The following FLOT2 variants were observed in gnomAD, a reference collection of about 807,000 sequenced individuals.
FLOT2 encodes the protein flotillin-2.
In FLOT2, 35 loss-of-function variants were observed where a neutral mutation model predicts 54.9. The observed-to-expected ratio is 0.64, with a 90% CI of 0.49 to 0.84. FLOT2 has a LOEUF of 0.84. Ranked by LOEUF, FLOT2 falls within the 40% of genes least tolerant of loss-of-function variation. FLOT2 has a pLI of 0.00. For missense variants in FLOT2, 464 were observed against 572.1 expected (o/e 0.81, Z 1.93); for synonymous variants, 207 against 228.9 (o/e 0.90, Z 0.86).
chr17:28,884,108 G>A lies in FLOT2; in HGVS notation c.222+117C>T. 1.3e-6 allele frequency: 1 copy of A among 794,838 alleles called. No individual in the cohort carries two copies. The highest frequency in any genetic ancestry group is 1.9e-5 in the Admixed American group (1 of 53,462). The allele number at this position is 794,838 out of a possible 1,614,324, so 49.2% of individuals were successfully genotyped here. ...TAGCCCTCTCTTGTGGGACTTGCGG[G>A]GGCTGGGGTGCTGGAGAGAGACTGC... On this transcript the variant is annotated intron_variant, in intron 3 of 10. Coordinates refer to ENST00000394908, the MANE Select transcript of FLOT2 (RefSeq NM_004475.3). This position sits in a 1 kb window ranked among gnomAD's most constrained non-coding sequence, Gnocchi z 5.1.
chr17:28,888,386 C>T (rs898044337), intron 2 of FLOT2, among the ~76,000 whole-genome samples: 1 of 152,306 alleles, frequency 6.6e-6, no homozygotes, highest in African/African-American at 2.4e-5. Flanking sequence ...GAGGTCCAGA[C>T]CTGTCTTGCT....
chr17:28,885,465 G>A lies in FLOT2; in HGVS notation c.132-1150C>T, dbSNP rs2039523623. The A allele has an allele frequency of 1.5e-5, 10 of 656,888 alleles. No individual in the cohort carries two copies. The Admixed American group carries it at 2.2e-4, about 14-fold the overall frequency. 40.7% of individuals were successfully genotyped at this position (656,888 alleles called of 1,614,324 possible). The stretch of plus-strand genomic sequence containing the variant: ...ATGCCTCAAACTGAGAAGGTGCTCA[G>A]TAGAGAGCTGGTGAATGAAGCAATG... On this transcript the variant is annotated intron_variant, in intron 2 of 10. Coordinates refer to ENST00000394908, the MANE Select transcript of FLOT2 (RefSeq NM_004475.3).
Position 28,879,429 on chromosome 17 carries a change from T to G in FLOT2, c.*1132A>C. On this transcript the variant is annotated 3_prime_UTR_variant, in exon 11 of 11. Coordinates refer to ENST00000394908, the MANE Select transcript of FLOT2 (RefSeq NM_004475.3). ...CCAGACCAGACATGCAGCATCCACA[T>G]GCAGGAAGAGCTACACAGGCTGGGG... The G allele has an allele frequency of 6.1e-6, 6 of 987,920 alleles. No homozygotes were observed. Among genetic ancestry groups the G allele is most frequent in the Non-Finnish European group, 7.2e-6 (6 of 830,216 alleles). 61.2% of individuals were successfully genotyped at this position (987,920 alleles called of 1,614,324 possible). A position where few individuals can be genotyped will look rare whatever the true frequency, so the allele number is the denominator to read the frequency against.
In FLOT2 at chr17:28,897,678, C is replaced by T; in HGVS notation, c.-104G>A. 4 of 1,059,912 alleles carry T rather than the reference C, an allele frequency of 3.8e-6. No individual in the cohort carries two copies. The highest frequency in any genetic ancestry group is 4.9e-6 in the Non-Finnish European group (4 of 817,636). The allele number at this position is 1,059,912 out of a possible 1,614,324, so 65.7% of individuals were successfully genotyped here. On this transcript the variant is annotated 5_prime_UTR_variant, in exon 1 of 11. Coordinates refer to ENST00000394908, the MANE Select transcript of FLOT2 (RefSeq NM_004475.3). This position sits in a 1 kb window ranked among gnomAD's most constrained non-coding sequence, Gnocchi z 4.4. ...AGCCTATCCCGCCACCCCCAGCGGC[C>T]GGCCGCCCGCTCGCTCGCCCGCGCC...
At chr17:28,891,919 T>C (rs924714542) in intron 1 of FLOT2, among the ~76,000 whole-genome samples, 6 of 152,208 alleles carry the variant, frequency 3.9e-5, no homozygotes, top group Non-Finnish European at 7.3e-5. Flanking sequence ...ACCAGGTAGG[T>C]AACCCAGTTT....
In FLOT2 at chr17:28,883,378, C is replaced by T. The variant is rs888528793; in HGVS notation, c.223-147G>A. Reference sequence around the variant, plus strand: ...CTGGGGGGCTGGAATCTGTCTGAAGCCTCTAGTGGGGAGACAGCAGCACAA... The same window carrying T: ...CTGGGGGGCTGGAATCTGTCTGAAGTCTCTAGTGGGGAGACAGCAGCACAA... On this transcript the variant is annotated intron_variant, in intron 3 of 10. Transcript: ENST00000394908. This position sits in a 1 kb window ranked among gnomAD's most constrained non-coding sequence, Gnocchi z 5.0. The T allele has an allele frequency of 2.1e-6, 2 of 952,204 alleles. No homozygotes were observed. Among genetic ancestry groups the T allele is most frequent in the Non-Finnish European group, 3.2e-6 (2 of 626,954 alleles). The allele number at this position is 952,204 out of a possible 1,614,324, so 59.0% of individuals were successfully genotyped here.
intron 2 of FLOT2, chr17:28,886,060 G>GC (rs2039539893): frequency 3.1e-6 from 2 of 640,456 alleles, no homozygotes; most frequent in Non-Finnish European, 2.9e-6. Flanking sequence ...CCTGGGGGCG[G>GC]GGGGGGGCAT....
At chr17:28,889,841 T>C (rs945143352) in intron 1 of FLOT2, among the ~76,000 whole-genome samples, 1 of 152,196 alleles carries the variant, frequency 6.6e-6, no homozygotes. Context: ...GGTTTCACCA[T>C]GTTGGCCAGG....
chr17:28,897,562 G>C lies in FLOT2; in HGVS notation c.13C>G (p.His5Asp), dbSNP rs1464041227. 6.2e-7 allele frequency: 1 copy of C among 1,603,532 alleles called. No homozygotes were observed. The change falls in exon 1 of 11, where the codon CAC becomes GAC. Residue 5 changes from histidine to aspartate, a missense_variant. Physicochemically the swap from His to Asp is moderately conservative, Grantham distance 81. Transcript: ENST00000394908. The surrounding 1 kb of genome is among the most constrained non-coding windows in gnomAD (Gnocchi z 4.4). ...AGCGCCTCGTTGGGCCCCACCGTGT[G>C]GCAATTGCCCATGGCGCCGGCGGCA... MGNC[H>D]TVGPNEALVV...
At chr17:28,885,739 G>C (rs2039528749) in intron 2 of FLOT2, 3 of 734,752 alleles carry the variant, frequency 4.1e-6, no homozygotes, top group Non-Finnish European at 5.0e-6. Context: ...GGAGAGAAAA[G>C]AGGAGAGGGA....
intron 1 of FLOT2, among the ~76,000 whole-genome samples, chr17:28,895,726 C>T (rs192469952): frequency 8.6e-5 from 13 of 152,036 alleles, no homozygotes; most frequent in African/African-American, 2.2e-4. Context: ...CCCCATCCCC[C>T]GACCCCATCC....
intron 2 of FLOT2, among the ~76,000 whole-genome samples, chr17:28,887,096 G>A (rs1028306603): frequency 6.6e-6 from 1 of 152,126 alleles, no homozygotes; most frequent in African/African-American, 2.4e-5. Context: ...GAATTGCTCA[G>A]GTAAGAGGGA....
At chr17:28,894,116 C>T (rs1484656947) in intron 1 of FLOT2, among the ~76,000 whole-genome samples, 2 of 152,236 alleles carry the variant, frequency 1.3e-5, no homozygotes, top group East Asian at 1.9e-4. Flanking sequence ...GTTCTCCTCC[C>T]ACCTCGGTCT....
rs1021895559 is a variant in FLOT2, at chr17:28,886,136, T to A, written c.132-1821A>T. On this transcript the variant is annotated intron_variant, in intron 2 of 10. Transcript: ENST00000394908. ...GGGCTGCAGGACAGCAGCGACCTCC[T>A]GTGCTGATCCGAGGCCTCTGGGTCT... 4.0e-5 allele frequency: 25 copies of A among 626,100 alleles called. No homozygotes were observed. In the African/African-American group the frequency reaches 4.2e-4, roughly 10 times the overall value. The allele number at this position is 626,100 out of a possible 1,614,324, so 38.8% of individuals were successfully genotyped here. A position where few individuals can be genotyped will look rare whatever the true frequency, so the allele number is the denominator to read the frequency against.
intron 1 of FLOT2, among the ~76,000 whole-genome samples, chr17:28,890,824 T>C (rs2039636709): frequency 1.3e-5 from 2 of 151,672 alleles, no homozygotes; most frequent in Non-Finnish European, 2.9e-5. Context: ...AAAGGAAATA[T>C]GTGATCTGGG....
intron 8 of FLOT2, 31 bp from the exon 9 acceptor site, chr17:28,881,406 GGGAC>G (rs1284515800): frequency 5.6e-6 from 9 of 1,601,662 alleles, no homozygotes; most frequent in Non-Finnish European, 7.6e-6. Flanking sequence ...TAGGATCAGT[GGGAC>G]GTACCAGGGT....
At position 28,897,463 on chromosome 17, in the gene FLOT2, C is replaced by A; in HGVS notation, c.49+63G>T. The A allele has an allele frequency of 6.7e-7, 1 of 1,486,072 alleles. No individual in the cohort carries two copies. Among genetic ancestry groups the A allele is most frequent in the East Asian group, 2.6e-5 (1 of 37,774 alleles). 92.1% of individuals were successfully genotyped at this position (1,486,072 alleles called of 1,614,324 possible). ...CAGGCCCAGCTCTTCCCCGTGCACT[C>A]CCCAGCCCTGCACCCACCCCGAGCA... On this transcript the variant is annotated intron_variant, in intron 1 of 10. Coordinates refer to ENST00000394908, the MANE Select transcript of FLOT2 (RefSeq NM_004475.3). The surrounding 1 kb of genome is among the most constrained non-coding windows in gnomAD (Gnocchi z 4.4).
In FLOT2 at chr17:28,880,594, G is replaced by T; in HGVS notation, c.1254C>A (p.Pro418=). 1 of 1,614,112 alleles carries T rather than the reference G, an allele frequency of 6.2e-7. No homozygotes were observed. The highest frequency in any genetic ancestry group is 1.1e-5 in the South Asian group (1 of 91,054). ...GCACACCAGTGGCCTTCTTGATCAG[G>T]GGTATCTGCAAGGATGGGAGATGCC... ...ALTGVDLSKI[P]LIKKATGVQV Residue 418 remains proline (P), a synonymous_variant, in exon 11 of 11, where the codon CCC becomes CCA. Coordinates refer to ENST00000394908, the MANE Select transcript of FLOT2 (RefSeq NM_004475.3).
At chr17:28,886,954 A>G (rs1479093928) in intron 2 of FLOT2, among the ~76,000 whole-genome samples, 1 of 151,846 alleles carries the variant, frequency 6.6e-6, no homozygotes, top group African/African-American at 2.4e-5. Context: ...AGGATTCTTG[A>G]CCCAGCTCAG....
Sources: gnomAD v4.1 joint callset for allele counts (sites outside exome capture counted in the v4.1 genomes callset) on GRCh38, gnomAD v4.1.1 for gene constraint, Gnocchi (gnomAD v3.1) non-coding constraint, MANE v1.5 for transcripts, NCBI Gene and HGNC (gene_info 2026-07-23, HGNC 2026-07-21) for gene names.